Variants in WDPCP observed in about 807,000 individuals in gnomAD.
The protein encoded by WDPCP is WD repeat-containing and planar cell polarity effector protein fritz homolog.
In WDPCP, 71 loss-of-function variants were observed where a neutral mutation model predicts 93.1. The observed-to-expected ratio is 0.76, with a 90% CI of 0.63 to 0.93. The LOEUF (loss-of-function observed/expected upper bound fraction) is 0.93. WDPCP is among the 40% of genes least tolerant of loss of function. The pLI is 0.00. For missense variants in WDPCP, 844 were observed against 887.4 expected, an observed-to-expected ratio of 0.95 and a Z score of 0.62; for synonymous variants, 315 against 315.0, an observed-to-expected ratio of 1.00 and a Z score of 0.00.
At chr2:63,808,247 T>C (rs1274534069) in intron 2 of WDPCP, among the ~76,000 whole-genome samples, 1 of 152,098 alleles carries the variant, frequency 6.6e-6, no homozygotes, top group Non-Finnish European at 1.5e-5. Context: ...TTATAAAACA[T>C]AGAGAACATT....
chr2:63,378,261 T>C, intron 12 of WDPCP, 125 bp downstream of exon 12: 1 of 1,226,722 alleles, frequency 8.2e-7, no homozygotes, highest in Non-Finnish European at 1.2e-6. Context: ...AGAAGATGTA[T>C]ATTTCTTTGA....
chr2:63,328,594 ACACT>A (rs1288701039), intron 12 of WDPCP, among the ~76,000 whole-genome samples: 2 of 152,168 alleles, frequency 1.3e-5, no homozygotes, highest in Non-Finnish European at 2.9e-5. Flanking sequence ...AAGAACTGTA[ACACT>A]CACTGCGAGC....
intron 1 of WDPCP, among the ~76,000 whole-genome samples, chr2:63,525,782 G>A (rs946830041): frequency 1.3e-5 from 2 of 152,164 alleles, no homozygotes; most frequent in Non-Finnish European, 2.9e-5. Flanking sequence ...CAAGTTGAGG[G>A]CACCGTAACT....
chr2:63,333,694 A>G (rs747902567), intron 12 of WDPCP, among the ~76,000 whole-genome samples: 1 of 152,198 alleles, frequency 6.6e-6, no homozygotes, highest in Non-Finnish European at 1.5e-5. Flanking sequence ...GAACCAAACC[A>G]ATGTATTTCT....
chr2:63,273,210 A>G (rs1682792310), intron 13 of WDPCP, among the ~76,000 whole-genome samples: 1 of 152,212 alleles, frequency 6.6e-6, no homozygotes, highest in African/African-American at 2.4e-5. Flanking sequence ...GAGGGAATTC[A>G]TCACCACTAG....
chr2:63,554,016 C>T (rs1705882611), intron 1 of WDPCP, among the ~76,000 whole-genome samples: 4 of 152,172 alleles, frequency 2.6e-5, no homozygotes. Context: ...AATTTACTAT[C>T]AACACAATTT....
intron 1 of WDPCP, among the ~76,000 whole-genome samples, chr2:63,496,979 G>A (rs1246590045): frequency 1.3e-5 from 2 of 151,982 alleles, no homozygotes; most frequent in African/African-American, 2.4e-5. Context: ...GGGCATGGTG[G>A]AATGCACCTG....
At chr2:63,156,934 A>G (rs570358490) in intron 15 of WDPCP, among the ~76,000 whole-genome samples, 3 of 152,254 alleles carry the variant, frequency 2.0e-5, no homozygotes, top group African/African-American at 7.2e-5. Flanking sequence ...TAGGAGGAGA[A>G]CATTCAGTCT....
At chr2:63,297,677 A>G (rs545531641) in intron 13 of WDPCP, among the ~76,000 whole-genome samples, 7 of 152,306 alleles carry the variant, frequency 4.6e-5, no homozygotes, top group Admixed American at 2.6e-4. Context: ...TGTAAGACAG[A>G]GATTCTATAG....
intron 10 of WDPCP, among the ~76,000 whole-genome samples, chr2:63,388,551 G>A (rs1322939838): frequency 6.6e-6 from 1 of 152,210 alleles, no homozygotes; most frequent in Non-Finnish European, 1.5e-5. Context: ...GAATGACTTC[G>A]ACGAGTTGAC....
chr2:63,431,726 T>A (rs910395756), intron 9 of WDPCP, among the ~76,000 whole-genome samples: 4 of 152,200 alleles, frequency 2.6e-5, no homozygotes, highest in African/African-American at 9.6e-5. Context: ...TCTACAAGAT[T>A]ATACTTTTTG....
chr2:63,669,474 C>T (rs1174773643), intron 2 of WDPCP, among the ~76,000 whole-genome samples: 1 of 151,772 alleles, frequency 6.6e-6, no homozygotes, highest in Non-Finnish European at 1.5e-5. Context: ...ATTCTTGTGC[C>T]TCAGCCTCCC....
chr2:63,706,500 G>A (rs62177963), intron 2 of WDPCP, among the ~76,000 whole-genome samples: 1 of 150,670 alleles, frequency 6.6e-6, no homozygotes, highest in Middle Eastern at 3.2e-3. Flanking sequence ...GGTGGTGACA[G>A]AATCTCTCAG....
intron 9 of WDPCP, among the ~76,000 whole-genome samples, chr2:63,423,857 A>G (rs1205982726): frequency 6.6e-6 from 1 of 152,172 alleles, no homozygotes; most frequent in Non-Finnish European, 1.5e-5. Context: ...GAGGGATAAG[A>G]TGGCCAACTA....
At chr2:63,522,176 C>T (rs1041515725) in intron 1 of WDPCP, among the ~76,000 whole-genome samples, 4 of 151,938 alleles carry the variant, frequency 2.6e-5, no homozygotes, top group Non-Finnish European at 5.9e-5. Context: ...AATGCTATCC[C>T]TCCTCTAGCC....
At chr2:63,396,630 A>C (rs1481993223) in intron 10 of WDPCP, among the ~76,000 whole-genome samples, 1 of 151,418 alleles carries the variant, frequency 6.6e-6, no homozygotes, top group Non-Finnish European at 1.5e-5. Flanking sequence ...GTGGCAGGAA[A>C]GGGCTTATCA....
intron 15 of WDPCP, among the ~76,000 whole-genome samples, chr2:63,160,539 T>C (rs1022957580): frequency 6.6e-6 from 1 of 152,168 alleles, no homozygotes; most frequent in Admixed American, 6.5e-5. Context: ...CCTCCCCTAC[T>C]ACCCAAACAG....
At chr2:63,179,207 A>G (rs1345485282) in intron 14 of WDPCP, among the ~76,000 whole-genome samples, 3 of 147,836 alleles carry the variant, frequency 2.0e-5, no homozygotes, top group South Asian at 2.2e-4. Flanking sequence ...CTCGGGGGGA[A>G]AAAAAAAAAA....
At chr2:63,388,586 AAG>A (rs1280577595) in intron 10 of WDPCP, among the ~76,000 whole-genome samples, 1 of 152,190 alleles carries the variant, frequency 6.6e-6, no homozygotes, top group Non-Finnish European at 1.5e-5. Flanking sequence ...GAAGGTTGGT[AAG>A]AACAAACTTC....
Sources: allele counts gnomAD v4.1 joint callset (sites outside exome capture counted in the v4.1 genomes callset), GRCh38; gene constraint gnomAD v4.1.1; transcripts MANE v1.5; gene names NCBI Gene and HGNC (gene_info 2026-07-23, HGNC 2026-07-21).